Variants in ADGRV1 observed in about 807,000 individuals in gnomAD.
The protein encoded by ADGRV1 is G-protein coupled receptor 98.
ADGRV1 carries 359 observed loss-of-function variants against 596.2 expected under a neutral mutation model. The observed-to-expected ratio is 0.60, with a 90% CI of 0.55 to 0.66. ADGRV1 has a LOEUF of 0.66. Among genes scored for constraint, ADGRV1 ranks in the 30% least tolerant of loss-of-function variants. ADGRV1 has a pLI of 0.00. For synonymous variants in ADGRV1, 2,681 were observed against 2,679.2 expected (o/e 1.00, Z -0.02); for missense variants, 7,274 against 7,575.6 (o/e 0.96, Z 1.48).
At chr5:90,683,179 T>C (rs1440141639) in intron 27 of ADGRV1, among the ~76,000 whole-genome samples, 2 of 152,100 alleles carry the variant, frequency 1.3e-5, no homozygotes, top group Non-Finnish European at 2.9e-5. Flanking sequence ...TATAGTTTCA[T>C]GCAACAATCG....
intron 70 of ADGRV1, among the ~76,000 whole-genome samples, chr5:90,800,121 T>C (rs1297084553): frequency 1.3e-5 from 2 of 152,128 alleles, no homozygotes; most frequent in East Asian, 3.8e-4. Context: ...CAAAAGAAAC[T>C]ATCATCAGAG....
Position 91,124,742 on chromosome 5 carries a change from C to T in ADGRV1, c.18432+22402C>T, listed in dbSNP as rs77396773. Among the ~76,000 whole-genome samples the T allele has an allele frequency of 3.0e-3, 453 of 152,128 alleles. 3 individuals are homozygous for T. The highest frequency in any genetic ancestry group is 0.01 in the African/African-American group (428 of 41,514). On this transcript the variant is annotated intron_variant, in intron 87 of 89. Coordinates refer to ENST00000405460, the MANE Select transcript of ADGRV1 (RefSeq NM_032119.4). Reference sequence around the variant, plus strand: ...ATAATAAACTTGGGTATTTTAGTTACGGGGTCAGAAAGAAAAATTTTAGAT... The same window carrying T: ...ATAATAAACTTGGGTATTTTAGTTATGGGGTCAGAAAGAAAAATTTTAGAT...
At chr5:90,936,533 T>A (rs1775706297) in intron 83 of ADGRV1, among the ~76,000 whole-genome samples, 1 of 152,050 alleles carries the variant, frequency 6.6e-6, no homozygotes, top group Admixed American at 6.5e-5. Flanking sequence ...TTGTTGACTA[T>A]CTCTACTTTT....
At chr5:90,818,107 T>C (rs1440993497) in intron 75 of ADGRV1, among the ~76,000 whole-genome samples, 13 of 147,366 alleles carry the variant, frequency 8.8e-5, no homozygotes, top group South Asian at 6.7e-4. Context: ...TGGTTTGTAG[T>C]TCTCCTTGAA....
intron 84 of ADGRV1, among the ~76,000 whole-genome samples, chr5:90,968,115 AC>A (rs1778640942): frequency 6.6e-6 from 1 of 152,196 alleles, no homozygotes; most frequent in African/African-American, 2.4e-5. Flanking sequence ...ATGGCTGTCT[AC>A]AAATACCGGA....
In ADGRV1 at chr5:90,956,072, T is replaced by C. The variant is rs902291557; in HGVS notation, c.17857-9343T>C. ...CTTGCTCAGTTTCTCTTCAATTCCA[T>C]CTAACAAGGTTTCCTTTCCAGCTTA... On this transcript the variant is annotated intron_variant, in intron 83 of 89. Coordinates refer to ENST00000405460, the MANE Select transcript of ADGRV1 (RefSeq NM_032119.4). Among the ~76,000 whole-genome samples the C allele has an allele frequency of 6.6e-5, 10 of 152,180 alleles. No individual in the cohort carries two copies. In the East Asian group the frequency reaches 1.7e-3, roughly 26 times the overall value.
intron 89 of ADGRV1, among the ~76,000 whole-genome samples, chr5:91,155,020 A>G (rs144416559): frequency 6.6e-6 from 1 of 152,306 alleles, no homozygotes; most frequent in East Asian, 1.9e-4. Flanking sequence ...TCATATCACT[A>G]TGGAAAGGAA....
chr5:91,012,269 C>T (rs918043332), intron 85 of ADGRV1, among the ~76,000 whole-genome samples: 2 of 151,928 alleles, frequency 1.3e-5, no homozygotes, highest in East Asian at 1.9e-4. Context: ...TTAGACATTC[C>T]GTTTATTCCA....
intron 70 of ADGRV1, among the ~76,000 whole-genome samples, chr5:90,797,690 C>T (rs189688859): frequency 3.9e-5 from 6 of 152,226 alleles, no homozygotes; most frequent in Admixed American, 2.0e-4. Flanking sequence ...CTCAGCACCT[C>T]GTCGCACTTA....
At position 90,829,099 on chromosome 5, in the gene ADGRV1, G is replaced by A. The variant is rs753400051; in HGVS notation, c.16524G>A (p.Val5508=). 7 of 1,612,142 alleles carry A rather than the reference G, an allele frequency of 4.3e-6. No individual in the cohort carries two copies. Among genetic ancestry groups the A allele is most frequent in the Admixed American group, 1.7e-5 (1 of 59,954 alleles). ...TTTCTGTGGGTTCTCGGCTGGCAGT[G>A]GCTCACAAGAAGGCCACTTTAATCA... The part of the protein sequence containing the change: ...VYFSVGSRLA[V]AHKKATLISL... Residue 5508 remains valine (V), a synonymous_variant, in exon 77 of 90, where the codon GTG becomes GTA. Coordinates refer to ENST00000405460, the MANE Select transcript of ADGRV1 (RefSeq NM_032119.4).
intron 24 of ADGRV1, 22 bp downstream of exon 24, chr5:90,675,467 A>G (rs1342475998): frequency 6.3e-7 from 1 of 1,596,990 alleles, no homozygotes; most frequent in Non-Finnish European, 8.6e-7. Context: ...AGTCCTTTTG[A>G]AGTTGTATTT....
chr5:90,719,991 ATAT>A, intron 43 of ADGRV1, 54 bp from the exon 44 acceptor site: 1 of 1,352,468 alleles, frequency 7.4e-7, no homozygotes, highest in South Asian at 1.2e-5. Flanking sequence ...ATTTCGCTAT[ATAT>A]GTGTTACAAA....
chr5:90,825,456 G>T (rs1763994201), intron 76 of ADGRV1, among the ~76,000 whole-genome samples: 1 of 152,136 alleles, frequency 6.6e-6, no homozygotes, highest in Non-Finnish European at 1.5e-5. Context: ...ATATGGTTTT[G>T]CATTCTTCAT....
At chr5:90,622,925 G>A (rs986417786) in intron 5 of ADGRV1, among the ~76,000 whole-genome samples, 9 of 152,148 alleles carry the variant, frequency 5.9e-5, no homozygotes, top group African/African-American at 2.2e-4. Flanking sequence ...ATTTTTAGTA[G>A]AGACAGGGTG....
chr5:90,906,919 A>T (rs1018718516), intron 83 of ADGRV1, among the ~76,000 whole-genome samples: 4 of 152,268 alleles, frequency 2.6e-5, no homozygotes, highest in African/African-American at 9.6e-5. Context: ...GTAATAATAT[A>T]CATAATTAAT....
At chr5:91,158,682 A>G (rs115927342) in intron 89 of ADGRV1, among the ~76,000 whole-genome samples, 282 of 152,366 alleles carry the variant, frequency 1.9e-3, no homozygotes, top group African/African-American at 6.5e-3. Flanking sequence ...CAAATTCCAC[A>G]TAGAAGCAGG....
At chr5:90,930,076 T>C (rs568007207) in intron 83 of ADGRV1, among the ~76,000 whole-genome samples, 1 of 152,226 alleles carries the variant, frequency 6.6e-6, no homozygotes, top group Non-Finnish European at 1.5e-5. Flanking sequence ...CTAAACATCT[T>C]CTTTTTGTTG....
intron 34 of ADGRV1, among the ~76,000 whole-genome samples, chr5:90,699,654 A>G (rs911123456): frequency 2.0e-5 from 3 of 152,190 alleles, no homozygotes; most frequent in Non-Finnish European, 4.4e-5. Context: ...AGTGCATCCT[A>G]TGAGCCTGGA....
At chr5:90,583,042 A>G (rs1478104516) in intron 1 of ADGRV1, among the ~76,000 whole-genome samples, 2 of 152,228 alleles carry the variant, frequency 1.3e-5, no homozygotes, top group Admixed American at 6.5e-5. Context: ...AAAAGTATAA[A>G]TAATTGGAAA....
Sources: allele counts gnomAD v4.1 joint callset (sites outside exome capture counted in the v4.1 genomes callset), GRCh38; gene constraint gnomAD v4.1.1; transcripts MANE v1.5; gene names NCBI Gene and HGNC (gene_info 2026-07-23, HGNC 2026-07-21).